Variants in ARL15 observed in about 807,000 individuals in gnomAD.
ARL15 encodes ADP-ribosylation factor-like protein 15.
A neutral mutation model predicts 25.2 loss-of-function variants in ARL15; 19 were observed. That is an observed-to-expected ratio of 0.75 (90% CI 0.53 to 1.10). ARL15 has a LOEUF of 1.10. Ranked by LOEUF, ARL15 falls within the 50% of genes least tolerant of loss-of-function variation. The pLI, the probability that ARL15 is intolerant of heterozygous loss-of-function variation, is 0.00. For missense variants in ARL15, 220 were observed against 246.0 expected (o/e 0.89, Z 0.71); for synonymous variants, 94 against 86.8 (o/e 1.08, Z -0.46).
chr5:53,947,167 G>GGGGTGTGTGTGT (rs752822788), intron 4 of ARL15, among the ~76,000 whole-genome samples: 241 of 123,686 alleles, frequency 1.9e-3, no homozygotes, highest in Middle Eastern at 9.0e-3. Context: ...AATAAATAAG[G>GGGGTGTGTGTGT]GTGTGTGTGT....
chr5:54,195,701 C>A (rs1358334794), intron 1 of ARL15, among the ~76,000 whole-genome samples: 1 of 152,154 alleles, frequency 6.6e-6, no homozygotes, highest in Non-Finnish European at 1.5e-5. Context: ...TTCAACTTTT[C>A]TATGCATATA....
intron 4 of ARL15, among the ~76,000 whole-genome samples, chr5:54,088,893 T>C (rs1228674887): frequency 1.3e-5 from 2 of 152,196 alleles, no homozygotes; most frequent in African/African-American, 4.8e-5. Context: ...ACCAATGACC[T>C]ACAAATTGAG....
At chr5:53,899,855 A>G (rs1173319728) in intron 4 of ARL15, among the ~76,000 whole-genome samples, 1 of 152,202 alleles carries the variant, frequency 6.6e-6, no homozygotes, top group Non-Finnish European at 1.5e-5. Flanking sequence ...AGTGAATAGG[A>G]TTTCTAATCT....
chr5:54,165,738 TTA>T (rs3063747), intron 2 of ARL15, among the ~76,000 whole-genome samples: 6 of 147,892 alleles, frequency 4.1e-5, no homozygotes, highest in Admixed American at 1.4e-4. Flanking sequence ...ATACCTTTGT[TTA>T]TATATATATA....
At position 54,058,549 on chromosome 5, in the gene ARL15, G is replaced by A. The variant is rs10043596; in HGVS notation, c.462+54653C>T. Among the ~76,000 whole-genome samples the A allele has an allele frequency of 5.3e-4, 80 of 152,266 alleles. No individual in the cohort carries two copies. In the East Asian group the frequency reaches 8.1e-3, roughly 15 times the overall value. On this transcript the variant is annotated intron_variant, in intron 4 of 4. Coordinates refer to ENST00000504924, the MANE Select transcript of ARL15 (RefSeq NM_019087.3). ...TATGTAATATGTGAGAAGGAAATAC[G>A]TGCTATGAAGAAAGTCTTGAAGACA... is the stretch of plus-strand genomic sequence containing the variant.
chr5:54,291,872 C>T (rs7704911), intron 1 of ARL15, among the ~76,000 whole-genome samples: 97,663 of 152,072 alleles, frequency 0.64, 32,110 homozygotes, highest in Non-Finnish European at 0.72. Context: ...CCAGACCCTA[C>T]GGAATCTTAA....
chr5:54,245,004 A>G (rs1262368363), intron 1 of ARL15, among the ~76,000 whole-genome samples: 1 of 152,160 alleles, frequency 6.6e-6, no homozygotes, highest in Non-Finnish European at 1.5e-5. Context: ...TTCTTTATGT[A>G]ACCAGAATCA....
intron 3 of ARL15, among the ~76,000 whole-genome samples, chr5:54,149,183 A>G (rs1753995361): frequency 6.6e-6 from 1 of 152,240 alleles, no homozygotes; most frequent in South Asian, 2.1e-4. Flanking sequence ...TTAAGAGGCA[A>G]TGATAGAAGA....
At chr5:54,004,880 G>T (rs933294709) in intron 4 of ARL15, among the ~76,000 whole-genome samples, 1 of 152,094 alleles carries the variant, frequency 6.6e-6, no homozygotes, top group Admixed American at 6.6e-5. Context: ...ATTTTGTTGA[G>T]GGCCTACAAT....
intron 1 of ARL15, among the ~76,000 whole-genome samples, chr5:54,222,073 G>C (rs1161860982): frequency 4.6e-5 from 7 of 152,202 alleles, no homozygotes; most frequent in African/African-American, 1.7e-4. Flanking sequence ...AATGAGCCAA[G>C]CTGGAGTGGA....
chr5:54,242,169 GCACA>G (rs142704353), intron 1 of ARL15, among the ~76,000 whole-genome samples: 4 of 149,156 alleles, frequency 2.7e-5, no homozygotes, highest in Admixed American at 1.3e-4. Context: ...GTACACACAC[GCACA>G]CACACACACA....
At chr5:53,977,038 T>G (rs1747948607) in intron 4 of ARL15, among the ~76,000 whole-genome samples, 1 of 152,108 alleles carries the variant, frequency 6.6e-6, no homozygotes, top group African/African-American at 2.4e-5. Flanking sequence ...ATGTGAAAAC[T>G]AGGAAATTCA....
At chr5:54,252,344 G>C (rs1757251949) in intron 1 of ARL15, among the ~76,000 whole-genome samples, 1 of 152,196 alleles carries the variant, frequency 6.6e-6, no homozygotes, top group African/African-American at 2.4e-5. Context: ...AAACCTTTCT[G>C]TTGCAAAATA....
At chr5:54,070,799 CA>C in intron 4 of ARL15, among the ~76,000 whole-genome samples, 1 of 151,772 alleles carries the variant, frequency 6.6e-6, no homozygotes, top group African/African-American at 2.4e-5. Context: ...GAGCCTAGAT[CA>C]CAGAGCCACT....
intron 1 of ARL15, among the ~76,000 whole-genome samples, chr5:54,215,727 G>A (rs1414163419): frequency 6.8e-6 from 1 of 146,734 alleles, no homozygotes; most frequent in Non-Finnish European, 1.5e-5. Flanking sequence ...TTCAGTCATG[G>A]TACCCGTCAG....
chr5:53,977,827 T>G (rs1003430478), intron 4 of ARL15, among the ~76,000 whole-genome samples: 3 of 152,100 alleles, frequency 2.0e-5, no homozygotes, highest in Non-Finnish European at 4.4e-5. Flanking sequence ...CTGTATGACC[T>G]TGGGCAAGTC....
chr5:54,032,327 G>A (rs1750018630), intron 4 of ARL15, among the ~76,000 whole-genome samples: 1 of 151,826 alleles, frequency 6.6e-6, no homozygotes, highest in Admixed American at 6.6e-5. Context: ...TCCGCCTCCT[G>A]GGTTCAAGCA....
intron 1 of ARL15, among the ~76,000 whole-genome samples, chr5:54,198,247 G>A (rs960874016): frequency 3.9e-5 from 6 of 152,064 alleles, no homozygotes; most frequent in African/African-American, 1.2e-4. Flanking sequence ...AGACAGGGAT[G>A]CCCTCTCTCA....
intron 4 of ARL15, among the ~76,000 whole-genome samples, chr5:54,109,746 T>C (rs1248091640): frequency 6.6e-6 from 1 of 151,950 alleles, no homozygotes; most frequent in African/African-American, 2.4e-5. Context: ...TTCCCTAATG[T>C]ACCAAGTGGG....
Sources: gnomAD v4.1 joint callset for allele counts (sites outside exome capture counted in the v4.1 genomes callset) on GRCh38, gnomAD v4.1.1 for gene constraint, MANE v1.5 for transcripts, NCBI Gene and HGNC (gene_info 2026-07-23, HGNC 2026-07-21) for gene names.